CLASP1: variants seen among roughly 807,000 people sequenced by gnomAD.
CLASP1 encodes the protein CLIP-associating protein 1.
A neutral mutation model predicts 192.3 loss-of-function variants in CLASP1; 38 were observed. That is an observed-to-expected ratio of 0.20 (90% CI 0.15 to 0.26). The LOEUF (loss-of-function observed/expected upper bound fraction) is 0.26, where lower values mean the gene tolerates loss of function less well. Ranked by LOEUF, CLASP1 falls within the 10% of genes least tolerant of loss-of-function variation. CLASP1 has a pLI of 1.00. For synonymous variants in CLASP1, 691 were observed against 712.8 expected, an observed-to-expected ratio of 0.97 and a Z score of 0.49; for missense variants, 1,433 against 1,932.5, an observed-to-expected ratio of 0.74 and a Z score of 4.85.
chr2:121,611,046 G>A (rs1469317818), intron 1 of CLASP1, among the ~76,000 whole-genome samples: 1 of 143,774 alleles, frequency 7.0e-6, no homozygotes, highest in Non-Finnish European at 1.5e-5. Context: ...AGGACGAGTT[G>A]GAGGAGTTAC....
intron 35 of CLASP1, among the ~76,000 whole-genome samples, chr2:121,366,645 C>T (rs1225353017): frequency 6.6e-6 from 1 of 152,198 alleles, no homozygotes; most frequent in African/African-American, 2.4e-5. Context: ...CCCTGGCAAC[C>T]CATACACTTC....
At chr2:121,361,955 C>T (rs112508321) in intron 37 of CLASP1, among the ~76,000 whole-genome samples, 1,664 of 152,360 alleles carry the variant, frequency 0.011, 28 homozygotes, top group Admixed American at 0.053. Flanking sequence ...ACAAGACCCT[C>T]GCCCTTGCTG....
chr2:121,471,805 C>G (rs75705958), intron 8 of CLASP1, among the ~76,000 whole-genome samples: 2,061 of 152,246 alleles, frequency 0.014, 58 homozygotes, highest in South Asian at 0.1. Flanking sequence ...TCAATCCATA[C>G]ATCCATTTTT....
At chr2:121,478,404 C>T (rs565528002) in intron 8 of CLASP1, among the ~76,000 whole-genome samples, 1 of 152,188 alleles carries the variant, frequency 6.6e-6, no homozygotes, top group Non-Finnish European at 1.5e-5. Context: ...AGTTCCAGAC[C>T]AGCCTGACCA....
intron 28 of CLASP1, among the ~76,000 whole-genome samples, chr2:121,400,586 A>G (rs1487064406): frequency 6.6e-6 from 1 of 152,224 alleles, no homozygotes. Flanking sequence ...ATAAAAACAG[A>G]CAACAGTGCA....
At chr2:121,452,663 C>T (rs970830831) in intron 14 of CLASP1, among the ~76,000 whole-genome samples, 30 of 151,962 alleles carry the variant, frequency 2.0e-4, no homozygotes, top group African/African-American at 6.3e-4. Flanking sequence ...TGGTGGCGGG[C>T]GCCTGTAATC....
chr2:121,469,985 C>A (rs375839222), intron 8 of CLASP1, 25 bp from the exon 9 acceptor site: 4 of 1,581,368 alleles, frequency 2.5e-6, no homozygotes, highest in Non-Finnish European at 1.7e-6. Context: ...CAGAAACCAA[C>A]GTTTTTTTAA....
intron 2 of CLASP1, among the ~76,000 whole-genome samples, chr2:121,592,314 T>A (rs1001764052): frequency 6.6e-6 from 1 of 152,242 alleles, no homozygotes; most frequent in Non-Finnish European, 1.5e-5. Flanking sequence ...CAGGTAGCCA[T>A]CGCTCCATTT....
chr2:121,606,431 C>T (rs887837381), intron 1 of CLASP1, among the ~76,000 whole-genome samples: 2 of 152,184 alleles, frequency 1.3e-5, no homozygotes, highest in African/African-American at 4.8e-5. Context: ...TCCAGAATTT[C>T]CCAGCTTGTA....
intron 30 of CLASP1, among the ~76,000 whole-genome samples, chr2:121,391,735 C>G (rs1190441174): frequency 1.3e-5 from 2 of 152,098 alleles, no homozygotes; most frequent in Non-Finnish European, 2.9e-5. Context: ...AAACTCCCGT[C>G]TCCACTAAAA....
chr2:121,599,354 C>T lies in CLASP1; in HGVS notation c.195+6347G>A, dbSNP rs762603760. ...ACTGTAATCCCAGCACTTTGAGAGGCCGAGGCTGGTGGATCAGGCAGTCAG... is the reference window on the plus strand; with the variant it reads ...ACTGTAATCCCAGCACTTTGAGAGGTCGAGGCTGGTGGATCAGGCAGTCAG... On this transcript the variant is annotated intron_variant, in intron 2 of 39. Coordinates refer to ENST00000263710, the Ensembl canonical transcript of CLASP1. Among the ~76,000 whole-genome samples, 103 of 149,902 alleles carry T rather than the reference C, an allele frequency of 6.9e-4. 1 individual carries two copies. Among genetic ancestry groups the T allele is most frequent in the Non-Finnish European group, 1.2e-3 (80 of 67,630 alleles).
At chr2:121,430,741 T>G (rs1489561566) in intron 19 of CLASP1, among the ~76,000 whole-genome samples, 1 of 152,082 alleles carries the variant, frequency 6.6e-6, no homozygotes, top group Non-Finnish European at 1.5e-5. Context: ...TTTTAAAGCA[T>G]GTAAGTCAGT....
intron 37 of CLASP1, among the ~76,000 whole-genome samples, chr2:121,353,660 A>C (rs2064898638): frequency 6.6e-6 from 1 of 152,220 alleles, no homozygotes; most frequent in South Asian, 2.1e-4. Flanking sequence ...CTAGACTAAA[A>C]GTTCCTTGAA....
chr2:121,634,127 A>G (rs2070352137), intron 1 of CLASP1, among the ~76,000 whole-genome samples: 1 of 152,074 alleles, frequency 6.6e-6, no homozygotes, highest in African/African-American at 2.4e-5. Context: ...TTAGGATCCC[A>G]TCCCTCTTCA....
rs769563117 is a variant in CLASP1 at position 121,384,132 on chromosome 2, ATG to A, written c.3375-1810_3375-1809del. Among the ~76,000 whole-genome samples, 349 of 138,364 alleles carry A rather than the reference ATG, an allele frequency of 2.5e-3. 1 individual carries two copies. Among genetic ancestry groups the A allele is most frequent in the Middle Eastern group, 3.9e-3 (1 of 254 alleles). 90.8% of individuals were successfully genotyped at this position (138,364 alleles called of 152,430 possible). On this transcript the variant is annotated intron_variant, in intron 32 of 39. Coordinates refer to ENST00000263710, the Ensembl canonical transcript of CLASP1. ...TGTATATATATATACACACATATAT[ATG>A]TATATATATATACACACACACACAT...
At chr2:121,623,839 C>T (rs962319035) in intron 1 of CLASP1, among the ~76,000 whole-genome samples, 1 of 152,198 alleles carries the variant, frequency 6.6e-6, no homozygotes, top group African/African-American at 2.4e-5. Context: ...CAGAGCAAGA[C>T]TCCATCTGAA....
chr2:121,362,809 C>T (rs959316480), intron 37 of CLASP1, among the ~76,000 whole-genome samples: 4 of 152,306 alleles, frequency 2.6e-5, no homozygotes, highest in Middle Eastern at 3.4e-3. Context: ...TCTGTGATTC[C>T]AAAGCTGGTC....
chr2:121,524,857 G>C (rs1316000928), intron 6 of CLASP1, among the ~76,000 whole-genome samples: 1 of 152,166 alleles, frequency 6.6e-6, no homozygotes, highest in Non-Finnish European at 1.5e-5. Context: ...GGAGAGGCTG[G>C]GGTGGAAGGA....
At chr2:121,430,770 A>C (rs1430302954) in intron 19 of CLASP1, among the ~76,000 whole-genome samples, 1 of 152,226 alleles carries the variant, frequency 6.6e-6, no homozygotes, top group Non-Finnish European at 1.5e-5. Context: ...AAGATAAAGA[A>C]AAGATAAAGC....
Sources: gnomAD v4.1 joint callset for allele counts (sites outside exome capture counted in the v4.1 genomes callset) on GRCh38, gnomAD v4.1.1 for gene constraint, MANE v1.5 for transcripts, NCBI Gene and HGNC (gene_info 2026-07-23, HGNC 2026-07-21) for gene names.